Variants in BRI3BP observed in about 807,000 individuals in gnomAD.
The protein encoded by BRI3BP is BRI3-binding protein.
BRI3BP carries 7 observed loss-of-function variants against 15.8 expected under a neutral mutation model. The ratio of observed to expected loss-of-function variants is 0.44; its 90% confidence interval spans 0.25 to 0.83. The LOEUF is 0.83. BRI3BP is among the 40% of genes least tolerant of loss of function. The pLI, the probability that BRI3BP is intolerant of heterozygous loss-of-function variation, is 0.20. For missense variants in BRI3BP, 320 were observed against 339.3 expected (o/e 0.94, Z 0.45); for synonymous variants, 192 against 163.5 (o/e 1.17, Z -1.33).
chr12:124,998,695 C>T (rs1489313070), intron 1 of BRI3BP, among the ~76,000 whole-genome samples: 1 of 152,146 alleles, frequency 6.6e-6, no homozygotes, highest in Non-Finnish European at 1.5e-5. Context: ...ATAATGGTTG[C>T]ATGATATTGT....
intron 1 of BRI3BP, among the ~76,000 whole-genome samples, chr12:125,002,330 T>TAGGA (rs1955100250): frequency 6.6e-6 from 1 of 151,954 alleles, no homozygotes; most frequent in African/African-American, 2.4e-5. Context: ...TACCAGCATG[T>TAGGA]GGGGCCTGGT....
chr12:125,040,287 C>T, the BRI3BP span, among the ~76,000 whole-genome samples: 2 of 151,522 alleles, frequency 1.3e-5, no homozygotes, highest in Admixed American at 1.3e-4. Flanking sequence ...AGGACCATGC[C>T]GTTCTCATTA....
chr12:125,014,799 C>T (rs561050467), intron 2 of BRI3BP, among the ~76,000 whole-genome samples: 81 of 152,206 alleles, frequency 5.3e-4, no homozygotes, highest in Non-Finnish European at 1.0e-3. Flanking sequence ...TTTAGGATCT[C>T]ACTCTGTTGC....
downstream of BRI3BP, among the ~76,000 whole-genome samples, chr12:125,036,061 GT>G: frequency 2.4e-5 from 1 of 41,502 alleles, no homozygotes. Flanking sequence ...TTTTTGTTTT[GT>G]TTTTGTTTTT....
chr12:125,032,290 G>C (rs577780512), downstream of BRI3BP, among the ~76,000 whole-genome samples: 1 of 152,056 alleles, frequency 6.6e-6, no homozygotes, highest in East Asian at 1.9e-4. Flanking sequence ...GTGAAACCCC[G>C]TCTCTACTAA....
chr12:125,038,555 C>A, the BRI3BP span, among the ~76,000 whole-genome samples: 2 of 151,668 alleles, frequency 1.3e-5, no homozygotes, highest in African/African-American at 4.8e-5. Flanking sequence ...CACCTGAGGT[C>A]AGGAGTTCAA....
At position 124,993,805 on chromosome 12, in the gene BRI3BP, C is replaced by G. The variant is rs1309785690; in HGVS notation, c.15C>G (p.Ala5=). Residue 5 remains alanine, a synonymous_variant, in exon 1 of 3, where the codon GCC becomes GCG. Coordinates refer to ENST00000341446, the MANE Select transcript of BRI3BP (RefSeq NM_080626.6). ...GCCGGCCGAGCATGGGCGCGCGCGCCTCAGGCGGGCCCCTGGCCCGGGCCG... is the reference window on the plus strand; with the variant it reads ...GCCGGCCGAGCATGGGCGCGCGCGCGTCAGGCGGGCCCCTGGCCCGGGCCG... The part of the protein sequence containing the change: MGAR[A]SGGPLARAGL... The G allele has an allele frequency of 1.9e-6, 2 of 1,075,634 alleles. No individual in the cohort carries two copies. Among genetic ancestry groups the G allele is most frequent in the Non-Finnish European group, 1.1e-6 (1 of 892,814 alleles). The allele number at this position is 1,075,634 out of a possible 1,614,324, so 66.6% of individuals were successfully genotyped here. A position where few individuals can be genotyped will look rare whatever the true frequency, so the allele number is the denominator to read the frequency against.
intron 2 of BRI3BP, among the ~76,000 whole-genome samples, chr12:125,014,239 T>C (rs1409035940): frequency 6.6e-6 from 1 of 152,188 alleles, no homozygotes; most frequent in Non-Finnish European, 1.5e-5. Flanking sequence ...GCTCTTCCCC[T>C]GGGCCTTTCC....
At chr12:125,000,088 T>G (rs1434736207) in intron 1 of BRI3BP, among the ~76,000 whole-genome samples, 1 of 137,860 alleles carries the variant, frequency 7.3e-6, no homozygotes, top group Non-Finnish European at 1.6e-5. Context: ...TTTTTTTTTG[T>G]AAAGAGGTTT....
At chr12:125,016,971 G>A (rs1463926909) in intron 2 of BRI3BP, among the ~76,000 whole-genome samples, 1 of 150,466 alleles carries the variant, frequency 6.6e-6, no homozygotes, top group Admixed American at 6.7e-5. Context: ...AACTAGCTGG[G>A]ACCACAAGTG....
At chr12:125,049,118 C>A in the BRI3BP span, among the ~76,000 whole-genome samples, 23,568 of 151,992 alleles carry the variant, frequency 0.16, 1,908 homozygotes, top group Middle Eastern at 0.29. Flanking sequence ...CCCGCCACCA[C>A]GCCTGGCTAA....
rs58016016 is a variant in BRI3BP at position 125,016,825 on chromosome 12, C to CTTTTTTTTTTTTTTTTTTTTTT, written c.316+4195_316+4216dup. Among the ~76,000 whole-genome samples the CTTTTTTTTTTTTTTTTTTTTTT allele has an allele frequency of 5.0e-5, 2 of 39,808 alleles. 1 individual carries two copies. The highest frequency in any genetic ancestry group is 2.0e-4 in the African/African-American group (2 of 10,228). 26.1% of individuals were successfully genotyped at this position (39,808 alleles called of 152,430 possible). A position where few individuals can be genotyped will look rare whatever the true frequency, so the allele number is the denominator to read the frequency against. ...ACGGGCATGAGCCACTGCGCCCAGC[C>CTTTTTTTTTTTTTTTTTTTTTT]TTTTTTTTTTTTTTTTTTTTTTTTT... On this transcript the variant is annotated intron_variant, in intron 2 of 2. Transcript: ENST00000341446.
chr12:124,997,301 C>T (rs531337239), intron 1 of BRI3BP, among the ~76,000 whole-genome samples: 3 of 139,612 alleles, frequency 2.1e-5, no homozygotes, highest in Non-Finnish European at 3.0e-5. Context: ...CTGCAACCTC[C>T]GCCTCCCGGA....
the BRI3BP span, among the ~76,000 whole-genome samples, chr12:125,040,033 G>C: frequency 6.6e-6 from 1 of 152,152 alleles, no homozygotes; most frequent in Non-Finnish European, 1.5e-5. Flanking sequence ...GGACGCCAAG[G>C]CAGGCGGATC....
chr12:125,009,185 TAGTC>T (rs1288300600), intron 1 of BRI3BP, among the ~76,000 whole-genome samples: 2 of 151,878 alleles, frequency 1.3e-5, no homozygotes, highest in African/African-American at 2.4e-5. Flanking sequence ...TTCAGCATGT[TAGTC>T]AGGCTGGTCT....
chr12:125,000,975 T>C (rs1301332511), intron 1 of BRI3BP, among the ~76,000 whole-genome samples: 1 of 152,216 alleles, frequency 6.6e-6, no homozygotes, highest in African/African-American at 2.4e-5. Flanking sequence ...GGACTGCTCA[T>C]GCATTTAGTG....
intron 2 of BRI3BP, among the ~76,000 whole-genome samples, chr12:125,022,742 G>A (rs1594537805): frequency 6.6e-6 from 1 of 152,046 alleles, no homozygotes; most frequent in Middle Eastern, 3.4e-3. Context: ...GGCCAGGCTG[G>A]TCTCAAACTC....
intron 2 of BRI3BP, among the ~76,000 whole-genome samples, chr12:125,024,170 A>G (rs1955325608): frequency 6.6e-6 from 1 of 152,244 alleles, no homozygotes; most frequent in Non-Finnish European, 1.5e-5. Context: ...GCAAAGGAGA[A>G]GCAAGCACCT....
At chr12:125,019,892 C>G (rs1287655424) in intron 2 of BRI3BP, among the ~76,000 whole-genome samples, 1 of 147,202 alleles carries the variant, frequency 6.8e-6, no homozygotes, top group Non-Finnish European at 1.5e-5. Flanking sequence ...AACCTATTGT[C>G]TTGGTCAGTT....
Sources: allele counts gnomAD v4.1 joint callset (sites outside exome capture counted in the v4.1 genomes callset), GRCh38; gene constraint gnomAD v4.1.1; transcripts MANE v1.5; gene names NCBI Gene and HGNC (gene_info 2026-07-23, HGNC 2026-07-21).